Variants in TSC22D1 observed in about 807,000 individuals in gnomAD.
TSC22D1 encodes the protein TSC22 domain family protein 1.
A neutral mutation model predicts 74.2 loss-of-function variants in TSC22D1; 9 were observed. The observed-to-expected ratio is 0.12, with a 90% confidence interval of 0.07 to 0.21. The LOEUF is 0.21. Ranked by LOEUF, TSC22D1 falls within the 10% of genes least tolerant of loss-of-function variation. TSC22D1 has a pLI of 1.00. For missense variants in TSC22D1, 1,427 were observed against 1,304.7 expected (o/e 1.09, Z -1.44); for synonymous variants, 586 against 492.5 (o/e 1.19, Z -2.51).
intron 1 of TSC22D1, among the ~76,000 whole-genome samples, chr13:44,467,133 G>A (rs539757409): frequency 3.4e-4 from 51 of 152,152 alleles, no homozygotes; most frequent in Non-Finnish European, 6.2e-4. Flanking sequence ...CTGTACTCCA[G>A]CCTGGGCAAC....
At chr13:44,520,626 T>C (rs1035444066) in intron 1 of TSC22D1, among the ~76,000 whole-genome samples, 1 of 152,086 alleles carries the variant, frequency 6.6e-6, no homozygotes, top group African/African-American at 2.4e-5. Flanking sequence ...AAAGAAGTAA[T>C]TTTTTAAAAA....
At chr13:44,488,465 C>A (rs1018510806) in intron 1 of TSC22D1, among the ~76,000 whole-genome samples, 1 of 152,100 alleles carries the variant, frequency 6.6e-6, no homozygotes. Context: ...TCCACTGTGA[C>A]TACCAGCCAT....
chr13:44,456,194 C>T (rs537822252), intron 1 of TSC22D1, among the ~76,000 whole-genome samples: 8 of 152,172 alleles, frequency 5.3e-5, no homozygotes, highest in African/African-American at 1.7e-4. Flanking sequence ...TGAGCAGCAG[C>T]AAGATTTATC....
Position 44,517,086 on chromosome 13 carries a change from G to A in TSC22D1, c.2912+56077C>T, listed in dbSNP as rs541054968. Among the ~76,000 whole-genome samples the A allele has an allele frequency of 1.2e-4, 18 of 152,218 alleles. No individual in the cohort carries two copies. The South Asian group carries it at 3.3e-3, about 28-fold the overall frequency. ...GAAAGGTTTACACAGAGATATACAC[G>A]TGTGTGTTTGTGTGTATACACATGT... On this transcript the variant is annotated intron_variant, in intron 1 of 2. Transcript: ENST00000458659.
intron 1 of TSC22D1, among the ~76,000 whole-genome samples, chr13:44,532,135 C>T (rs1305706096): frequency 6.6e-6 from 1 of 152,166 alleles, no homozygotes; most frequent in Non-Finnish European, 1.5e-5. Flanking sequence ...GGGGACTGTA[C>T]TTTTGTATTT....
chr13:44,557,456 T>C (rs1882732217), intron 1 of TSC22D1, among the ~76,000 whole-genome samples: 1 of 152,194 alleles, frequency 6.6e-6, no homozygotes, highest in African/African-American at 2.4e-5. Flanking sequence ...CGAGACTCCG[T>C]CTCAAAACAA....
chr13:44,506,157 G>A (rs544629259), intron 1 of TSC22D1, among the ~76,000 whole-genome samples: 7 of 152,270 alleles, frequency 4.6e-5, no homozygotes, highest in African/African-American at 1.7e-4. Flanking sequence ...GTTTCTTAAA[G>A]CTACAGAAAA....
At chr13:44,545,025 G>T (rs561958313) in intron 1 of TSC22D1, among the ~76,000 whole-genome samples, 1 of 152,220 alleles carries the variant, frequency 6.6e-6, no homozygotes, top group African/African-American at 2.4e-5. Context: ...TAAGGGTCAA[G>T]AAAACTAAAT....
At chr13:44,503,404 G>C (rs1879302612) in intron 1 of TSC22D1, among the ~76,000 whole-genome samples, 1 of 150,756 alleles carries the variant, frequency 6.6e-6, no homozygotes, top group African/African-American at 2.4e-5. Flanking sequence ...TTCTATTTTG[G>C]AATCTACACA....
chr13:44,474,897 A>G (rs1453950010), intron 1 of TSC22D1, among the ~76,000 whole-genome samples: 1 of 152,160 alleles, frequency 6.6e-6, no homozygotes, highest in Non-Finnish European at 1.5e-5. Context: ...CATTCCCAGT[A>G]CAATAAGGCC....
intron 1 of TSC22D1, among the ~76,000 whole-genome samples, chr13:44,490,185 A>C (rs1271089667): frequency 1.3e-5 from 2 of 152,242 alleles, no homozygotes; most frequent in Non-Finnish European, 2.9e-5. Context: ...AACATGAATG[A>C]ATCTCACATA....
Position 44,575,368 on chromosome 13 carries a change from T to A in TSC22D1, c.707A>T (p.His236Leu), listed in dbSNP as rs745369212. 6.2e-7 allele frequency: 1 copy of A among 1,614,128 alleles called. No individual in the cohort carries two copies. The highest frequency in any genetic ancestry group is 2.2e-5 in the East Asian group (1 of 44,886). ...IHHGHHLQHG[H>L]HHPSHVAVAS... ...CACAGCAACATGAGATGGATGGTGG[T>A]GACCATGTTGGAGGTGGTGCCCATG... The change falls in exon 1 of 3, where the codon CAC (histidine) becomes CTC (leucine). Residue 236 changes from histidine to leucine, a missense_variant. Around this residue, in one of 3 missense-constraint regions of TSC22D1, gnomAD observed 1,343 missense variants for 1,191.5 expected, o/e 1.13. Coordinates refer to ENST00000458659, the MANE Select transcript of TSC22D1 (RefSeq NM_183422.4).
chr13:44,454,134 A>G (rs1339150239), intron 1 of TSC22D1, among the ~76,000 whole-genome samples: 2 of 152,206 alleles, frequency 1.3e-5, no homozygotes, highest in African/African-American at 4.8e-5. Flanking sequence ...TGAATACCTC[A>G]AATACATATT....
chr13:44,570,488 G>C (rs796413521), intron 1 of TSC22D1, among the ~76,000 whole-genome samples: 2 of 152,024 alleles, frequency 1.3e-5, no homozygotes, highest in Non-Finnish European at 1.5e-5. Flanking sequence ...CACCGCACAC[G>C]GCCTGACATT....
intron 1 of TSC22D1, among the ~76,000 whole-genome samples, chr13:44,557,647 T>G (rs1812975073): frequency 6.6e-6 from 1 of 152,210 alleles, no homozygotes; most frequent in African/African-American, 2.4e-5. Flanking sequence ...GAAGATAAGT[T>G]GTAACCACTC....
At chr13:44,497,563 CAAG>C (rs1393402606) in intron 1 of TSC22D1, among the ~76,000 whole-genome samples, 5 of 151,948 alleles carry the variant, frequency 3.3e-5, no homozygotes, top group African/African-American at 1.2e-4. Flanking sequence ...AAAAAGGAAA[CAAG>C]AACAACAACA....
intron 1 of TSC22D1, chr13:44,537,729 C>T (rs1464961474): frequency 1.0e-6 from 1 of 983,910 alleles, no homozygotes; most frequent in Non-Finnish European, 1.2e-6. Flanking sequence ...TCAAATTGAA[C>T]CTTTAAACTT....
chr13:44,447,833 C>CTTTTTTTT (rs5803260), intron 1 of TSC22D1, among the ~76,000 whole-genome samples: 1 of 129,466 alleles, frequency 7.7e-6, no homozygotes, highest in Non-Finnish European at 1.6e-5. Context: ...AATGCCTTTT[C>CTTTTTTTT]TTTTTTTTTT....
intron 2 of TSC22D1, 159 bp downstream of exon 2, chr13:44,435,885 G>A (rs1232622624): frequency 2.6e-6 from 2 of 765,848 alleles, no homozygotes; most frequent in African/African-American, 3.5e-5. Context: ...TGCCGTGGTA[G>A]GTGGCTCCAC....
Sources: gnomAD v4.1 joint callset for allele counts (sites outside exome capture counted in the v4.1 genomes callset) on GRCh38, gnomAD v4.1.1 for gene constraint, gnomAD v4.1.1 regional missense constraint, MANE v1.5 for transcripts, NCBI Gene and HGNC (gene_info 2026-07-23, HGNC 2026-07-21) for gene names.